Variants in PPIB observed in about 807,000 individuals in gnomAD.
PPIB encodes the protein peptidylprolyl isomerase B.
Under a neutral mutation model 20.1 loss-of-function variants are expected in PPIB, and 15 were observed. The ratio of observed to expected loss-of-function variants is 0.75; its 90% CI spans 0.50 to 1.15. The LOEUF is 1.15. PPIB is among the 50% of genes most tolerant of loss of function. The probability of loss-of-function intolerance (pLI) is 0.00; values close to 1 mark genes in which losing one functional copy is unlikely to be tolerated. For synonymous variants in PPIB, 129 were observed against 111.0 expected (o/e 1.16, Z -1.02); for missense variants, 278 against 283.0 (o/e 0.98, Z 0.13).
chr15:64,158,826 T>TC lies in PPIB; in HGVS notation c.343+1277dup, dbSNP rs770166548. The stretch of plus-strand genomic sequence containing the variant: ...TCTTTCCTCACATCCGCAAGGTCAT[T>TC]CCCCCGTTCCCTGGCCTGAGGGGAT... On this transcript the variant is annotated intron_variant, in intron 3 of 4. Coordinates refer to ENST00000300026, the MANE Select transcript of PPIB (RefSeq NM_000942.5). The surrounding 1 kb of genome is among the most constrained non-coding windows in gnomAD (Gnocchi z 4.7). Among the ~76,000 whole-genome samples the TC allele has an allele frequency of 6.6e-6, 1 of 152,184 alleles. No homozygotes were observed. The highest frequency in any genetic ancestry group is 1.5e-5 in the Non-Finnish European group (1 of 68,038).
In PPIB at chr15:64,156,621, G is replaced by T; in HGVS notation, c.528+104C>A. 1 of 1,375,588 alleles carries T rather than the reference G, an allele frequency of 7.3e-7. No homozygotes were observed. Among genetic ancestry groups the T allele is most frequent in the Non-Finnish European group, 1.0e-6 (1 of 963,436 alleles). The allele number at this position is 1,375,588 out of a possible 1,614,324, so 85.2% of individuals were successfully genotyped here. A position where few individuals can be genotyped will look rare whatever the true frequency, so the allele number is the denominator to read the frequency against. On this transcript the variant is annotated intron_variant, in intron 4 of 4. Coordinates refer to ENST00000300026, the MANE Select transcript of PPIB (RefSeq NM_000942.5). The surrounding 1 kb of genome is among the most constrained non-coding windows in gnomAD (Gnocchi z 6.4). The stretch of plus-strand genomic sequence containing the variant: ...AGCACTGGGCTGCATCTGTGGGTTG[G>T]GTCCTTTTGGGAAAGGGATGGACAC...
At position 64,158,804 on chromosome 15, in the gene PPIB, T is replaced by C. The variant is rs965997999; in HGVS notation, c.343+1300A>G. Among the ~76,000 whole-genome samples the C allele has an allele frequency of 6.6e-6, 1 of 152,238 alleles. No homozygotes were observed. The highest frequency in any genetic ancestry group is 1.5e-5 in the Non-Finnish European group (1 of 68,038). Reference sequence around the variant, plus strand: ...CTCATTGAGGACCCCACTGAAATCTTTCCTCACATCCGCAAGGTCATTCCC... The same window carrying C: ...CTCATTGAGGACCCCACTGAAATCTCTCCTCACATCCGCAAGGTCATTCCC... On this transcript the variant is annotated intron_variant, in intron 3 of 4. Transcript: ENST00000300026. The surrounding 1 kb of genome is among the most constrained non-coding windows in gnomAD (Gnocchi z 4.7).
rs2081538918 is a variant in PPIB at position 64,157,089 on chromosome 15, T to G, written c.344-180A>C. 4.6e-5 allele frequency: 30 copies of G among 645,506 alleles called. 1 individual carries two copies. Among genetic ancestry groups the G allele is most frequent in the Non-Finnish European group, 5.3e-6 (2 of 376,962 alleles). The allele number at this position is 645,506 out of a possible 1,614,324, so 40.0% of individuals were successfully genotyped here. A position where few individuals can be genotyped will look rare whatever the true frequency, so the allele number is the denominator to read the frequency against. On this transcript the variant is annotated intron_variant, in intron 3 of 4. Transcript: ENST00000300026. The surrounding 1 kb of genome is among the most constrained non-coding windows in gnomAD (Gnocchi z 4.2). Reference sequence around the variant, plus strand: ...GGCCTCAGAGCCAAGCCATGCTGACTGAGGCCAAGTGGGGCATCAGGCCAG... The same window carrying G: ...GGCCTCAGAGCCAAGCCATGCTGACGGAGGCCAAGTGGGGCATCAGGCCAG...
In PPIB at chr15:64,157,149, T is replaced by G. The variant is rs2081539425; in HGVS notation, c.344-240A>C. 6.9e-6 allele frequency: 4 copies of G among 577,798 alleles called. No individual in the cohort carries two copies. The East Asian group carries it at 1.1e-4, about 17-fold the overall frequency. 35.8% of individuals were successfully genotyped at this position (577,798 alleles called of 1,614,324 possible). ...GTGAACAGCTCACAGAAGGATTACT[T>G]TGAGAAGATAGTTTTGTGGCTTTTA... is the stretch of plus-strand genomic sequence containing the variant. On this transcript the variant is annotated intron_variant, in intron 3 of 4. Coordinates refer to ENST00000300026, the MANE Select transcript of PPIB (RefSeq NM_000942.5). This position sits in a 1 kb window ranked among gnomAD's most constrained non-coding sequence, Gnocchi z 4.2.
At position 64,156,099 on chromosome 15, in the gene PPIB, T is replaced by G; in HGVS notation, c.575A>C (p.Lys192Thr). Residue 192 changes from lysine (K) to threonine (T), a missense_variant, in exon 5 of 5, where the codon AAA becomes ACA. By Grantham distance (78) the Lys-to-Thr change is moderately conservative. Transcript: ENST00000300026. This position sits in a 1 kb window ranked among gnomAD's most constrained non-coding sequence, Gnocchi z 6.4. The stretch of plus-strand genomic sequence containing the variant: ...TGCGATGATCACATCCTTCAGGGGT[T>G]TATCCCGGCTGTCTGTCTTGGTGCT... ...VESTKTDSRD[K>T]PLKDVIIADC... 1 of 1,614,214 alleles carries G rather than the reference T, an allele frequency of 6.2e-7. No individual in the cohort carries two copies. The highest frequency in any genetic ancestry group is 8.5e-7 in the Non-Finnish European group (1 of 1,180,048).
In PPIB at chr15:64,156,164, A is replaced by C. The variant is rs764273426; in HGVS notation, c.529-19T>G. Reference sequence around the variant, plus strand: ...CCACCTCCTGGAAAAGAAAGGTGGAAGCAGGAGGGCATGGTGGATCAGGAG... The same window carrying C: ...CCACCTCCTGGAAAAGAAAGGTGGACGCAGGAGGGCATGGTGGATCAGGAG... On this transcript the variant is annotated intron_variant, in intron 4 of 4. Transcript: ENST00000300026. This position sits in a 1 kb window ranked among gnomAD's most constrained non-coding sequence, Gnocchi z 6.4. 1.2e-6 allele frequency: 2 copies of C among 1,613,956 alleles called. No individual in the cohort carries two copies. The highest frequency in any genetic ancestry group is 1.7e-6 in the Non-Finnish European group (2 of 1,179,972).
At position 64,156,880 on chromosome 15, in the gene PPIB, C is replaced by T. The variant is rs753537023; in HGVS notation, c.373G>A (p.Asp125Asn). 1.7e-5 allele frequency: 28 copies of T among 1,613,998 alleles called. No homozygotes were observed. Among genetic ancestry groups the T allele is most frequent in the South Asian group, 6.6e-5 (6 of 91,076 alleles). Residue 125 changes from aspartate to asparagine, a missense_variant, in exon 4 of 5, where the codon GAT (aspartate) becomes AAT (asparagine). Physicochemically the swap from Asp to Asn is conservative, Grantham distance 23 (BLOSUM62 1). Transcript: ENST00000300026. This position sits in a 1 kb window ranked among gnomAD's most constrained non-coding sequence, Gnocchi z 6.4. ...TAGTGCTTCAGTTTGAAGTTCTCAT[C>T]GGGGAAGCGCTCACCGTAGATGCTC... Reference protein sequence around the residue: ...GKSIYGERFPDENFKLKHYGP... With the variant: ...GKSIYGERFPNENFKLKHYGP...
Position 64,161,500 on chromosome 15 carries a change from C to A in PPIB, c.249+541G>T, listed in dbSNP as rs1220721959. 6.6e-6 allele frequency among the ~76,000 whole-genome samples: 1 copy of A among 151,680 alleles called. No individual in the cohort carries two copies. Among genetic ancestry groups the A allele is most frequent in the Non-Finnish European group, 1.5e-5 (1 of 67,912 alleles). On this transcript the variant is annotated intron_variant, in intron 2 of 4. Transcript: ENST00000300026. The surrounding 1 kb of genome is among the most constrained non-coding windows in gnomAD (Gnocchi z 4.2). ...CAGCACTTTGGGAGGCCAAGGCAGG[C>A]GGATCACCAGAGGTCAGGAGTTCGA...
Position 64,156,359 on chromosome 15 carries a change from A to G in PPIB, c.529-214T>C. On this transcript the variant is annotated intron_variant, in intron 4 of 4. Transcript: ENST00000300026. This position sits in a 1 kb window ranked among gnomAD's most constrained non-coding sequence, Gnocchi z 6.4. ...ACAGGAATTTTGTTCCTTTGAAGTA[A>G]GACCCAGGTTGGGCCAAGGGTGAGG... The G allele has an allele frequency of 1.4e-6, 1 of 710,182 alleles. No individual in the cohort carries two copies. The highest frequency in any genetic ancestry group is 2.4e-6 in the Non-Finnish European group (1 of 415,514). The allele number at this position is 710,182 out of a possible 1,614,324, so 44.0% of individuals were successfully genotyped here.
rs1250649939 is a variant in PPIB, at chr15:64,156,195, C to A, written c.529-50G>T. ...AGGGCATGGTGGATCAGGAGGTCCA[C>A]CGCTCAGGAGAAAGGCCCCAGCGTA... On this transcript the variant is annotated intron_variant, in intron 4 of 4. Transcript: ENST00000300026. This position sits in a 1 kb window ranked among gnomAD's most constrained non-coding sequence, Gnocchi z 6.4. The A allele has an allele frequency of 2.5e-6, 4 of 1,610,942 alleles. No individual in the cohort carries two copies. The highest frequency in any genetic ancestry group is 3.4e-6 in the Non-Finnish European group (4 of 1,178,402).
At position 64,156,379 on chromosome 15, in the gene PPIB, G is replaced by C; in HGVS notation, c.529-234C>G. 1 of 654,350 alleles carries C rather than the reference G, an allele frequency of 1.5e-6. No individual in the cohort carries two copies. Among genetic ancestry groups the C allele is most frequent in the Non-Finnish European group, 2.7e-6 (1 of 371,576 alleles). 40.5% of individuals were successfully genotyped at this position (654,350 alleles called of 1,614,324 possible). ...AAGTAAGACCCAGGTTGGGCCAAGG[G>C]TGAGGAGGAGGAAGAGGGTGACCAG... On this transcript the variant is annotated intron_variant, in intron 4 of 4. Transcript: ENST00000300026. The surrounding 1 kb of genome is among the most constrained non-coding windows in gnomAD (Gnocchi z 6.4).
chr15:64,162,808 G>A (rs1011545398), intron 1 of PPIB, 44 bp downstream of exon 1: 3 of 1,596,790 alleles, frequency 1.9e-6, no homozygotes, highest in Middle Eastern at 1.8e-4. Flanking sequence ...AAGGCCGCCC[G>A]GGCCCGAGCT....
chr15:64,159,258 A>T lies in PPIB; in HGVS notation c.343+846T>A. On this transcript the variant is annotated intron_variant, in intron 3 of 4. Coordinates refer to ENST00000300026, the MANE Select transcript of PPIB (RefSeq NM_000942.5). This position sits in a 1 kb window ranked among gnomAD's most constrained non-coding sequence, Gnocchi z 5.1. ...GTGAGCTGTGTTCTAAGGGAGCAGC[A>T]GGCTGTACCTGAGCTCAGTGAGACT... is the stretch of plus-strand genomic sequence containing the variant. 6.6e-6 allele frequency: 1 copy of T among 152,382 alleles called. No homozygotes were observed. The highest frequency in any genetic ancestry group is 1.5e-5 in the Non-Finnish European group (1 of 68,192). The allele number at this position is 152,382 out of a possible 1,614,324, so 9.4% of individuals were successfully genotyped here. A position where few individuals can be genotyped will look rare whatever the true frequency, so the allele number is the denominator to read the frequency against.
Position 64,162,074 on chromosome 15 carries a change from T to G in PPIB, c.216A>C (p.Thr72=), listed in dbSNP as rs773982357. ...FGLFGKTVPK[T]VDNFVALATG... ...TAGCTAAGGCCACAAAATTATCCAC[T>G]GTTTTTGGAACAGTCTTTCCGAAGA... Residue 72 remains threonine (T), a synonymous_variant, in exon 2 of 5, where the codon ACA becomes ACC. Coordinates refer to ENST00000300026, the MANE Select transcript of PPIB (RefSeq NM_000942.5). The G allele has an allele frequency of 1.9e-6, 3 of 1,614,060 alleles. No homozygotes were observed. In the South Asian group the frequency reaches 3.3e-5, roughly 18 times the overall value.
rs1400972143 is a variant in PPIB, at chr15:64,162,897, A to G, written c.90T>C (p.Pro30=). The G allele has an allele frequency of 1.9e-6, 3 of 1,613,148 alleles. No homozygotes were observed. Among genetic ancestry groups the G allele is most frequent in the South Asian group, 1.1e-5 (1 of 90,848 alleles). The change falls in exon 1 of 5, where the codon CCT becomes CCC. Residue 30 remains proline, a synonymous_variant. Transcript: ENST00000300026. The part of the protein sequence containing the change: ...GSVFFLLLPG[P]SAADEKKKGP... ...CCTTCTTCTTCTCATCGGCCGCAGA[A>G]GGTCCCGGCAGCAGCAGGAAGAAGA...
At chr15:64,162,522 T>C (rs1031250750) in intron 1 of PPIB, among the ~76,000 whole-genome samples, 2 of 152,212 alleles carry the variant, frequency 1.3e-5, no homozygotes, top group South Asian at 4.1e-4. Context: ...TGGCTAAAAT[T>C]TGGCTTAAGG....
At position 64,157,224 on chromosome 15, in the gene PPIB, C is replaced by T. The variant is rs556948116; in HGVS notation, c.344-315G>A. 13 of 397,880 alleles carry T rather than the reference C, an allele frequency of 3.3e-5. No homozygotes were observed. The East Asian group carries it at 3.5e-4, about 11-fold the overall frequency. 24.6% of individuals were successfully genotyped at this position (397,880 alleles called of 1,614,324 possible). On this transcript the variant is annotated intron_variant, in intron 3 of 4. Transcript: ENST00000300026. This position sits in a 1 kb window ranked among gnomAD's most constrained non-coding sequence, Gnocchi z 4.2. ...CCTTAGCTATGGCCCAGGCCTGCCACGGAGGGACTTTGGTGGAGGGAAGTG... is the reference window on the plus strand; with the variant it reads ...CCTTAGCTATGGCCCAGGCCTGCCATGGAGGGACTTTGGTGGAGGGAAGTG...
At position 64,162,050 on chromosome 15, in the gene PPIB, A is replaced by G; in HGVS notation, c.240T>C (p.Ala80=). Residue 80 remains alanine (A), a synonymous_variant, in exon 2 of 5, where the codon GCT becomes GCC. Transcript: ENST00000300026. ...TGCTCCAGCCACTTACCTCTCCTGTAGCTAAGGCCACAAAATTATCCACTG... is the reference window on the plus strand; with the variant it reads ...TGCTCCAGCCACTTACCTCTCCTGTGGCTAAGGCCACAAAATTATCCACTG... ...PKTVDNFVAL[A]TGEKGFGYKN... 1 of 1,611,510 alleles carries G rather than the reference A, an allele frequency of 6.2e-7. No homozygotes were observed. Among genetic ancestry groups the G allele is most frequent in the African/African-American group, 1.3e-5 (1 of 74,992 alleles).
rs200307684 is a variant in PPIB, at chr15:64,162,902, C to G, written c.85G>C (p.Gly29Arg). The change falls in exon 1 of 5, where the codon GGA (glycine) becomes CGA (arginine). Residue 29 changes from glycine to arginine, a missense_variant. Coordinates refer to ENST00000300026, the MANE Select transcript of PPIB (RefSeq NM_000942.5). ...AGSVFFLLLP[G>R]PSAADEKKKG... ...TTCTTCTCATCGGCCGCAGAAGGTC[C>G]CGGCAGCAGCAGGAAGAAGACGGAC... is the stretch of plus-strand genomic sequence containing the variant. The G allele has an allele frequency of 1.2e-6, 2 of 1,613,284 alleles. No homozygotes were observed. Among genetic ancestry groups the G allele is most frequent in the Admixed American group, 3.3e-5 (2 of 59,980 alleles).
Sources: gnomAD v4.1 joint callset for allele counts (sites outside exome capture counted in the v4.1 genomes callset) on GRCh38, gnomAD v4.1.1 for gene constraint, Gnocchi (gnomAD v3.1) non-coding constraint, MANE v1.5 for transcripts, NCBI Gene and HGNC (gene_info 2026-07-23, HGNC 2026-07-21) for gene names.